Variants in TBCCD1 observed in about 807,000 individuals in gnomAD.
TBCCD1 encodes the protein TBCC domain-containing protein 1.
In TBCCD1, 26 loss-of-function variants were observed where a neutral mutation model predicts 53.4. That is an observed-to-expected ratio of 0.49 (90% CI 0.36 to 0.68). TBCCD1 has a LOEUF of 0.68. TBCCD1 is among the 30% of genes least tolerant of loss of function. The pLI is 0.00. For synonymous variants in TBCCD1, 245 were observed against 241.7 expected, an observed-to-expected ratio of 1.01 and a Z score of -0.13; for missense variants, 558 against 669.5, an observed-to-expected ratio of 0.83 and a Z score of 1.84.
chr3:186,550,058 C>A (rs866886065), intron 7 of TBCCD1, among the ~76,000 whole-genome samples: 2 of 151,848 alleles, frequency 1.3e-5, no homozygotes, highest in South Asian at 2.1e-4. Context: ...GAAACTAAGT[C>A]TCTACTAAAC....
chr3:186,552,894 C>A lies in TBCCD1; in HGVS notation c.1544+1360G>T, dbSNP rs528343819. Among the ~76,000 whole-genome samples the A allele has an allele frequency of 3.9e-5, 6 of 152,218 alleles. No individual in the cohort carries two copies. The South Asian group carries it at 1.2e-3, about 32-fold the overall frequency. On this transcript the variant is annotated intron_variant, in intron 6 of 7. Transcript: ENST00000338733. ...TGATTAAGTAATAGTAAGATGACTG[C>A]TGTATGCCGGGAAGGAGGAAATGAG...
chr3:186,568,455 TC>T (rs1204079836), upstream of TBCCD1, among the ~76,000 whole-genome samples: 3 of 152,178 alleles, frequency 2.0e-5, no homozygotes, highest in Non-Finnish European at 4.4e-5. Context: ...ATGATCACCA[TC>T]CCAGTAACTT....
At chr3:186,569,880 T>A (rs1714961643), upstream of TBCCD1, among the ~76,000 whole-genome samples, 1 of 152,080 alleles carries the variant, frequency 6.6e-6, no homozygotes, top group African/African-American at 2.4e-5. Context: ...ATCAACTAGG[T>A]GTTGTGTAAC....
At chr3:186,570,508 A>G (rs919879798), upstream of TBCCD1, 5 of 495,176 alleles carry the variant, frequency 1.0e-5, no homozygotes, top group African/African-American at 4.0e-5. Context: ...TAGCTCAGGC[A>G]GAGCGGGTTC....
At position 186,564,325 on chromosome 3, in the gene TBCCD1, T is replaced by C; in HGVS notation, c.5A>G (p.Asp2Gly). The C allele has an allele frequency of 6.2e-7, 1 of 1,606,310 alleles. No individual in the cohort carries two copies. The highest frequency in any genetic ancestry group is 8.5e-7 in the Non-Finnish European group (1 of 1,175,692). ...CACCCAGAGGAGAACTCTGGACTGA[T>C]CCATATTATCTCTAAGGACATCAGG... M[D>G]QSRVLLWVKA... is the part of the protein sequence containing the mutation. Residue 2 changes from aspartate to glycine, a missense_variant, in exon 2 of 8, where the codon GAT (aspartate) becomes GGT (glycine). By Grantham distance (94) the Asp-to-Gly change is moderately conservative. Transcript: ENST00000338733.
intron 2 of TBCCD1, among the ~76,000 whole-genome samples, chr3:186,561,623 T>C (rs2139543): frequency 0.055 from 8,384 of 152,094 alleles, 797 homozygotes; most frequent in African/African-American, 0.19. Context: ...CCCATCTCTA[T>C]TAAAAAATAC....
chr3:186,563,568 A>C (rs1714742534), intron 2 of TBCCD1, among the ~76,000 whole-genome samples: 1 of 152,204 alleles, frequency 6.6e-6, no homozygotes, highest in South Asian at 2.1e-4. Context: ...AAAGTCAGTA[A>C]AATATTTCCC....
In TBCCD1 at chr3:186,555,006, C is replaced by T; in HGVS notation, c.938G>A (p.Ser313Asn). ...APRMHRLVVM[S>N]QVYKQTLAKS... ...AGCCAGTGTCTGCTTGTAAACCTGG[C>T]TCATCACTACCAGTCGGTGCATCCT... The change falls in exon 5 of 8, where the codon AGC becomes AAC. Residue 313 changes from serine to asparagine, a missense_variant. By Grantham distance (46) the Ser-to-Asn change is conservative. Transcript: ENST00000338733. The T allele has an allele frequency of 6.2e-7, 1 of 1,614,024 alleles. No individual in the cohort carries two copies. The highest frequency in any genetic ancestry group is 8.5e-7 in the Non-Finnish European group (1 of 1,180,032).
At chr3:186,569,184 A>G (rs962684494), upstream of TBCCD1, among the ~76,000 whole-genome samples, 5 of 152,174 alleles carry the variant, frequency 3.3e-5, no homozygotes, top group Non-Finnish European at 7.4e-5. Context: ...GGTTAGGAGT[A>G]TAATAGGTTT....
chr3:186,551,023 C>T (rs1345488915), intron 7 of TBCCD1, 106 bp downstream of exon 7: 30 of 1,185,608 alleles, frequency 2.5e-5, no homozygotes, highest in Non-Finnish European at 2.5e-5. Context: ...CTGGTAGGAG[C>T]GGTAGAAAAA....
At position 186,558,135 on chromosome 3, in the gene TBCCD1, T is replaced by C. The variant is rs74753001; in HGVS notation, c.492+282A>G. ...AGTCACATAAGTTGATTCGCATTGA[T>C]TGACATGTTGAAAACGGCAGTGCTA... On this transcript the variant is annotated intron_variant, in intron 3 of 7. Coordinates refer to ENST00000338733, the MANE Select transcript of TBCCD1 (RefSeq NM_018138.5). 0.047 allele frequency among the ~76,000 whole-genome samples: 7,181 copies of C among 152,318 alleles called. 206 individuals carry two copies. The highest frequency in any genetic ancestry group is 0.075 in the Non-Finnish European group (5,075 of 68,030).
upstream of TBCCD1, among the ~76,000 whole-genome samples, chr3:186,567,990 C>G (rs562618646): frequency 6.6e-6 from 1 of 152,228 alleles, no homozygotes; most frequent in African/African-American, 2.4e-5. Context: ...AATTTCTGGA[C>G]ATTTCCTGCT....
At chr3:186,554,861 T>C (rs764216804) in intron 5 of TBCCD1, 37 bp downstream of exon 5, 3 of 1,606,154 alleles carry the variant, frequency 1.9e-6, no homozygotes, top group Non-Finnish European at 2.5e-6. Flanking sequence ...CCAAAGAAAA[T>C]GTCAGAACAT....
intron 1 of TBCCD1, among the ~76,000 whole-genome samples, chr3:186,565,188 G>A (rs899447585): frequency 7.1e-6 from 1 of 141,468 alleles, no homozygotes; most frequent in Non-Finnish European, 1.5e-5. Context: ...TCAGCTCACT[G>A]CAACCTCCAC....
chr3:186,557,590 A>G (rs1322956369), intron 3 of TBCCD1, among the ~76,000 whole-genome samples: 11 of 152,242 alleles, frequency 7.2e-5, no homozygotes, highest in African/African-American at 2.7e-4. Flanking sequence ...AGTCGTAGGA[A>G]TATAAAGAAT....
At chr3:186,562,767 C>G (rs1035320485) in intron 2 of TBCCD1, among the ~76,000 whole-genome samples, 1 of 152,076 alleles carries the variant, frequency 6.6e-6, no homozygotes, top group Non-Finnish European at 1.5e-5. Flanking sequence ...TGTCTATGTC[C>G]TTGACGGTCA....
Position 186,555,098 on chromosome 3 carries a change from C to G in TBCCD1, c.860-14G>C, listed in dbSNP as rs767857812. On this transcript the variant is annotated splice_polypyrimidine_tract_variant and intron_variant, in intron 4 of 7. Transcript: ENST00000338733. ...TGGTCCCTTCAACTATTTAAGAAAA[C>G]ATATAAATAGATGAGGCAGTATCAA... is the stretch of plus-strand genomic sequence containing the variant. 4.4e-6 allele frequency: 7 copies of G among 1,581,906 alleles called. 1 individual carries two copies. The South Asian group carries it at 8.0e-5, about 18-fold the overall frequency.
chr3:186,559,406 G>T (rs577061356), intron 2 of TBCCD1, among the ~76,000 whole-genome samples: 1 of 152,144 alleles, frequency 6.6e-6, no homozygotes, highest in Non-Finnish European at 1.5e-5. Context: ...TCTTAAAGGG[G>T]TGTTTCACTT....
chr3:186,556,474 G>A lies in TBCCD1; in HGVS notation c.794C>T (p.Thr265Ile). The A allele has an allele frequency of 6.2e-7, 1 of 1,609,370 alleles. No homozygotes were observed. Among genetic ancestry groups the A allele is most frequent in the East Asian group, 2.2e-5 (1 of 44,860 alleles). Residue 265 changes from threonine (T) to isoleucine (I), a missense_variant, in exon 4 of 8, where the codon ACT (threonine) becomes ATT (isoleucine). Thr to Ile is a moderately conservative substitution (Grantham distance 89). Transcript: ENST00000338733. Reference protein sequence around the residue: ...KLETWLRSCLTGNPFGTSACL... With the variant: ...KLETWLRSCLIGNPFGTSACL... ...AGCTGATGTACCAAATGGATTCCCA[G>A]TCAAACAGGACCTCAACCAGGTTTC...
Sources: gnomAD v4.1 joint callset for allele counts (sites outside exome capture counted in the v4.1 genomes callset) on GRCh38, gnomAD v4.1.1 for gene constraint, MANE v1.5 for transcripts, NCBI Gene and HGNC (gene_info 2026-07-23, HGNC 2026-07-21) for gene names.